OR2C1: variants seen among roughly 807,000 people sequenced by gnomAD.
OR2C1 encodes the protein olfactory receptor family 2 subfamily C member 1.
For synonymous variants in OR2C1, 209 were observed against 167.3 expected (o/e 1.25, Z -1.92); for missense variants, 468 against 388.3 (o/e 1.21, Z -1.73).
At chr16:3,333,985 G>T in the OR2C1 span, among the ~76,000 whole-genome samples, 31,702 of 150,486 alleles carry the variant, frequency 0.21, 3,523 homozygotes, top group South Asian at 0.31. Flanking sequence ...TTTTTGGGGT[G>T]GTGGGGGGAC....
chr16:3,357,159 G>C lies in OR2C1; in HGVS notation c.*280G>C, dbSNP rs2030695440. 5.6e-6 allele frequency: 2 copies of C among 358,284 alleles called. No individual in the cohort carries two copies. The highest frequency in any genetic ancestry group is 1.1e-5 in the Non-Finnish European group (2 of 188,364). 22.2% of individuals were successfully genotyped at this position (358,284 alleles called of 1,614,324 possible). ...TGACCTGTGACAGACCTGTCTCACTGTCTCTGTCTCTGTTGCCCACATGTT... is the reference window on the plus strand; with the variant it reads ...TGACCTGTGACAGACCTGTCTCACTCTCTCTGTCTCTGTTGCCCACATGTT... On this transcript the variant is annotated 3_prime_UTR_variant, in exon 1 of 1. Coordinates refer to ENST00000304936, the MANE Select transcript of OR2C1 (RefSeq NM_012368.3).
At position 3,356,034 on chromosome 16, in the gene OR2C1, C is replaced by G; in HGVS notation, c.94C>G (p.Leu32Val). Residue 32 changes from leucine (L) to valine (V), a missense_variant, in exon 1 of 1, where the codon CTC becomes GTC. Coordinates refer to ENST00000304936, the MANE Select transcript of OR2C1 (RefSeq NM_012368.3). The part of the protein sequence containing the change: ...QLEMIFFIAI[L>V]FSYLLTLLGN... ...GGAGATGATCTTTTTTATAGCCATCCTCTTCTCCTATTTGCTGACCCTACT... is the reference window on the plus strand; with the variant it reads ...GGAGATGATCTTTTTTATAGCCATCGTCTTCTCCTATTTGCTGACCCTACT... 1 of 1,613,982 alleles carries G rather than the reference C, an allele frequency of 6.2e-7. No individual in the cohort carries two copies. Among genetic ancestry groups the G allele is most frequent in the Non-Finnish European group, 8.5e-7 (1 of 1,179,926 alleles).
chr16:3,326,596 TTTG>T, the OR2C1 span, among the ~76,000 whole-genome samples: 1,439 of 152,328 alleles, frequency 9.4e-3, 32 homozygotes, highest in African/African-American at 0.033. Flanking sequence ...CCTGATTCCA[TTTG>T]GAGATCTGAG....
chr16:3,342,688 G>C, the OR2C1 span, among the ~76,000 whole-genome samples: 1 of 152,112 alleles, frequency 6.6e-6, no homozygotes, highest in Admixed American at 6.6e-5. Context: ...GATCAGCCTG[G>C]CCAACATGGT....
At chr16:3,355,747 A>G (rs565493794), upstream of OR2C1, 16 of 584,298 alleles carry the variant, frequency 2.7e-5, no homozygotes, top group South Asian at 2.9e-4. Flanking sequence ...GTGCCACTGC[A>G]CTCCAACCTG....
At chr16:3,335,520 CTTTTTTTTTTTT>C in the OR2C1 span, among the ~76,000 whole-genome samples, 1 of 55,410 alleles carries the variant, frequency 1.8e-5, no homozygotes, top group Non-Finnish European at 3.1e-5. Context: ...AATGCTACTG[CTTTTTTTTTTTT>C]TTTTTTTTTT....
chr16:3,329,177 C>G, the OR2C1 span, among the ~76,000 whole-genome samples: 1 of 145,638 alleles, frequency 6.9e-6, no homozygotes, highest in Admixed American at 6.9e-5. Context: ...AAGACACACA[C>G]ACACACACAC....
At chr16:3,333,862 T>G in the OR2C1 span, among the ~76,000 whole-genome samples, 15 of 152,294 alleles carry the variant, frequency 9.8e-5, no homozygotes, top group African/African-American at 1.9e-4. Context: ...CATTTTGAGT[T>G]GATTTTTGTA....
chr16:3,338,175 C>T, the OR2C1 span, among the ~76,000 whole-genome samples: 1 of 152,210 alleles, frequency 6.6e-6, no homozygotes, highest in African/African-American at 2.4e-5. Flanking sequence ...GCTAAGCAAT[C>T]ACTCTGATTT....
At chr16:3,347,965 A>T in the OR2C1 span, among the ~76,000 whole-genome samples, 1 of 152,164 alleles carries the variant, frequency 6.6e-6, no homozygotes, top group Non-Finnish European at 1.5e-5. Context: ...AATTAAATGG[A>T]TAAATAGATT....
At chr16:3,331,231 G>C in the OR2C1 span, among the ~76,000 whole-genome samples, 2 of 152,134 alleles carry the variant, frequency 1.3e-5, no homozygotes, top group African/African-American at 4.8e-5. Context: ...TTTTGATGGG[G>C]TTGTTTGTTT....
the OR2C1 span, chr16:3,322,997 C>T: frequency 1.2e-4 from 107 of 907,452 alleles, no homozygotes; most frequent in Non-Finnish European, 1.4e-4. Flanking sequence ...TTCCTTGGAA[C>T]TGGACTGTGA....
At chr16:3,342,403 T>C in the OR2C1 span, among the ~76,000 whole-genome samples, 1 of 152,188 alleles carries the variant, frequency 6.6e-6, no homozygotes, top group African/African-American at 2.4e-5. Flanking sequence ...CTGCCAAAGT[T>C]TATCTCGACT....
chr16:3,357,893 A>G (rs1232591577), downstream of OR2C1, among the ~76,000 whole-genome samples: 1 of 152,086 alleles, frequency 6.6e-6, no homozygotes, highest in Non-Finnish European at 1.5e-5. Flanking sequence ...AGGCAGGAGA[A>G]TCGCTTGAAC....
At chr16:3,344,931 A>C in the OR2C1 span, among the ~76,000 whole-genome samples, 2 of 150,932 alleles carry the variant, frequency 1.3e-5, no homozygotes, top group African/African-American at 4.9e-5. Context: ...AGAGTCTATC[A>C]CATATATGTA....
At chr16:3,354,753 A>C (rs2030632086), upstream of OR2C1, among the ~76,000 whole-genome samples, 1 of 152,182 alleles carries the variant, frequency 6.6e-6, no homozygotes, top group Non-Finnish European at 1.5e-5. Flanking sequence ...GCGTATCAGA[A>C]TCTTGGCTGG....
chr16:3,351,199 CTTTTTTCTTTTTTTCTTTTTCTTTTTCTT>C (rs2030567316), upstream of OR2C1, among the ~76,000 whole-genome samples: 5 of 44,744 alleles, frequency 1.1e-4, 1 homozygote, highest in Admixed American at 2.8e-4. Context: ...GAATTTAAGT[CTTTTTTCTTTTTTTCTTTTTCTTTTTCTT>C]TTTTTTTTTT....
chr16:3,351,354 AT>A (rs1007259617), upstream of OR2C1, among the ~76,000 whole-genome samples: 29 of 147,266 alleles, frequency 2.0e-4, no homozygotes, highest in Admixed American at 3.5e-4. Flanking sequence ...CAGCCTCCCT[AT>A]TTTTTTTGCT....
At chr16:3,345,610 T>C in the OR2C1 span, among the ~76,000 whole-genome samples, 1 of 152,124 alleles carries the variant, frequency 6.6e-6, no homozygotes, top group Admixed American at 6.6e-5. Flanking sequence ...TATGTATCAT[T>C]CATGTACATA....
Sources: gnomAD v4.1 joint callset for allele counts (sites outside exome capture counted in the v4.1 genomes callset) on GRCh38, gnomAD v4.1.1 for gene constraint, MANE v1.5 for transcripts, NCBI Gene and HGNC (gene_info 2026-07-23, HGNC 2026-07-21) for gene names.